ADRA1D: variants seen among roughly 807,000 people sequenced by gnomAD.
The protein encoded by ADRA1D is adrenoceptor alpha 1D.
ADRA1D carries 22 observed loss-of-function variants against 18.6 expected under a neutral mutation model. That is an observed-to-expected ratio of 1.19 (90% CI 0.85 to 1.69). The LOEUF is 1.69. Among genes scored for constraint, ADRA1D ranks in the 40% most tolerant of loss-of-function variants. The pLI, the probability that ADRA1D is intolerant of heterozygous loss-of-function variation, is 0.00. For synonymous variants in ADRA1D, 376 were observed against 388.2 expected (o/e 0.97, Z 0.37); for missense variants, 840 against 840.7 (o/e 1.00, Z 0.01).
Position 4,246,981 on chromosome 20 carries a change from G to A in ADRA1D, c.1111+866C>T, listed in dbSNP as rs571058168. Among the ~76,000 whole-genome samples, 10 of 151,268 alleles carry A rather than the reference G, an allele frequency of 6.6e-5. No homozygotes were observed. The South Asian group carries it at 1.9e-3, about 28-fold the overall frequency. ...CCTGCGGAGGTTGCAGCCATGGGTG[G>A]ATCTGACCCCGGGCAAATTCATCCC... On this transcript the variant is annotated intron_variant, in intron 1 of 1. Transcript: ENST00000379453.
chr20:4,228,965 T>C (rs531136186), intron 1 of ADRA1D, among the ~76,000 whole-genome samples: 8 of 152,208 alleles, frequency 5.3e-5, no homozygotes, highest in African/African-American at 1.7e-4. Flanking sequence ...CCCCACATGT[T>C]CCACCCCTCC....
At chr20:4,230,574 C>T (rs568874164) in intron 1 of ADRA1D, among the ~76,000 whole-genome samples, 2 of 152,338 alleles carry the variant, frequency 1.3e-5, no homozygotes, top group African/African-American at 4.8e-5. Context: ...CAACCCATAT[C>T]CTCTCCACTC....
intron 1 of ADRA1D, among the ~76,000 whole-genome samples, chr20:4,228,859 C>T (rs914503510): frequency 5.9e-5 from 9 of 152,218 alleles, no homozygotes; most frequent in African/African-American, 2.2e-4. Context: ...TGCCCCTTTG[C>T]TGGCTCCCTG....
intron 1 of ADRA1D, among the ~76,000 whole-genome samples, chr20:4,236,376 T>G: frequency 6.6e-6 from 1 of 150,814 alleles, no homozygotes; most frequent in African/African-American, 2.4e-5. Context: ...GGTGGGAGAG[T>G]GGGAATGGGA....
At position 4,221,502 on chromosome 20, in the gene ADRA1D, C is replaced by G; in HGVS notation, c.*21G>C. Reference sequence around the variant, plus strand: ...CCTTACCCCCAAGCCCAGCACACTCCGCGGCCTAGCTCTGGGGTCCTTAAA... The same window carrying G: ...CCTTACCCCCAAGCCCAGCACACTCGGCGGCCTAGCTCTGGGGTCCTTAAA... On this transcript the variant is annotated 3_prime_UTR_variant, in exon 2 of 2. Coordinates refer to ENST00000379453, the MANE Select transcript of ADRA1D (RefSeq NM_000678.4). The G allele has an allele frequency of 6.3e-7, 1 of 1,588,986 alleles. No individual in the cohort carries two copies. The highest frequency in any genetic ancestry group is 8.6e-7 in the Non-Finnish European group (1 of 1,162,514).
intron 1 of ADRA1D, among the ~76,000 whole-genome samples, chr20:4,246,104 C>A (rs1234114037): frequency 6.6e-6 from 1 of 152,134 alleles, no homozygotes; most frequent in Non-Finnish European, 1.5e-5. Context: ...GGGAGGGAGG[C>A]AGAGCTGGGA....
chr20:4,236,299 G>A (rs1981090909), intron 1 of ADRA1D, among the ~76,000 whole-genome samples: 1 of 152,178 alleles, frequency 6.6e-6, no homozygotes, highest in African/African-American at 2.4e-5. Flanking sequence ...ACTGTTAGGG[G>A]GATAAAATGA....
At chr20:4,237,961 G>GGGTC (rs1190512017) in intron 1 of ADRA1D, among the ~76,000 whole-genome samples, 3 of 150,592 alleles carry the variant, frequency 2.0e-5, no homozygotes, top group Non-Finnish European at 3.0e-5. Flanking sequence ...AGAGTTAAGA[G>GGGTC]GGTCGGCTGG....
In ADRA1D at chr20:4,248,462, G is replaced by C. The variant is rs753011248; in HGVS notation, c.496C>G (p.Arg166Gly). ...MEVLGFWAFG[R>G]AFCDVWAAVD... ...GCGGCCCATACGTCGCAGAAGGCGC[G>C]GCCAAAGGCCCAGAAGCCCAGAACC... Residue 166 changes from arginine (R) to glycine (G), a missense_variant, in exon 1 of 2, where the codon CGC (arginine) becomes GGC (glycine). Coordinates refer to ENST00000379453, the MANE Select transcript of ADRA1D (RefSeq NM_000678.4). The C allele has an allele frequency of 6.2e-7, 1 of 1,612,814 alleles. No individual in the cohort carries two copies. Among genetic ancestry groups the C allele is most frequent in the East Asian group, 2.2e-5 (1 of 44,822 alleles).
At chr20:4,227,065 TGA>T (rs1251903677) in intron 1 of ADRA1D, among the ~76,000 whole-genome samples, 1 of 152,210 alleles carries the variant, frequency 6.6e-6, no homozygotes, top group Non-Finnish European at 1.5e-5. Context: ...TGGCATACCA[TGA>T]GTGTGAAATG....
intron 1 of ADRA1D, among the ~76,000 whole-genome samples, chr20:4,223,245 A>C (rs1370002764): frequency 6.6e-6 from 1 of 152,268 alleles, no homozygotes; most frequent in Non-Finnish European, 1.5e-5. Context: ...ACCTTAATGC[A>C]GAAGCATATT....
chr20:4,225,103 G>A (rs900972761), intron 1 of ADRA1D, among the ~76,000 whole-genome samples: 16 of 149,236 alleles, frequency 1.1e-4, no homozygotes, highest in Non-Finnish European at 2.4e-4. Flanking sequence ...CTGGGTTCAA[G>A]CAATTCTCCT....
At chr20:4,229,003 T>C (rs1980889803) in intron 1 of ADRA1D, among the ~76,000 whole-genome samples, 1 of 152,188 alleles carries the variant, frequency 6.6e-6, no homozygotes, top group Non-Finnish European at 1.5e-5. Context: ...GACACTGCCC[T>C]CATCCTCCTG....
At position 4,221,488 on chromosome 20, in the gene ADRA1D, A is replaced by G; in HGVS notation, c.*35T>C. The G allele has an allele frequency of 1.9e-6, 3 of 1,571,742 alleles. No homozygotes were observed. Among genetic ancestry groups the G allele is most frequent in the Non-Finnish European group, 2.6e-6 (3 of 1,154,706 alleles). On this transcript the variant is annotated 3_prime_UTR_variant, in exon 2 of 2. Coordinates refer to ENST00000379453, the MANE Select transcript of ADRA1D (RefSeq NM_000678.4). Reference sequence around the variant, plus strand: ...GCCTCTCTGGTCCCCCTTACCCCCAAGCCCAGCACACTCCGCGGCCTAGCT... The same window carrying G: ...GCCTCTCTGGTCCCCCTTACCCCCAGGCCCAGCACACTCCGCGGCCTAGCT...
At chr20:4,235,339 C>T (rs1391094134) in intron 1 of ADRA1D, among the ~76,000 whole-genome samples, 2 of 152,232 alleles carry the variant, frequency 1.3e-5, no homozygotes, top group African/African-American at 2.4e-5. Context: ...ATAGGCCTGT[C>T]CCGCATCCTC....
rs375965246 is a variant in ADRA1D, at chr20:4,221,719, G to C, written c.1523C>G (p.Thr508Ser). Residue 508 changes from threonine to serine, a missense_variant, in exon 2 of 2, where the codon ACC becomes AGC. Coordinates refer to ENST00000379453, the MANE Select transcript of ADRA1D (RefSeq NM_000678.4). ...RLLGPFRRPTTQLRAKVSSLS... is the reference protein window; with the variant it reads ...RLLGPFRRPTSQLRAKVSSLS... ...GCTGGAGACTTTGGCGCGCAGCTGG[G>C]TCGTGGGTCTCCGGAACGGCCCCAG... is the stretch of plus-strand genomic sequence containing the variant. 17 of 1,608,694 alleles carry C rather than the reference G, an allele frequency of 1.1e-5. No individual in the cohort carries two copies. In the African/African-American group the frequency reaches 2.3e-4, roughly 21 times the overall value.
In ADRA1D at chr20:4,248,541, G is replaced by C. The variant is rs768213799; in HGVS notation, c.417C>G (p.Ala139=). The C allele has an allele frequency of 4.3e-6, 7 of 1,613,894 alleles. No homozygotes were observed. The highest frequency in any genetic ancestry group is 1.6e-4 in the Middle Eastern group (1 of 6,062). Residue 139 remains alanine, a synonymous_variant, in exon 1 of 2, where the codon GCC becomes GCG. Coordinates refer to ENST00000379453, the MANE Select transcript of ADRA1D (RefSeq NM_000678.4). ...TVTNYFIVNL[A]VADLLLSATV... ...TGGCGCTCAGCAGCAGGTCGGCCAC[G>C]GCCAGGTTCACGATGAAATAGTTGG...
At chr20:4,226,639 G>C (rs1467816687) in intron 1 of ADRA1D, among the ~76,000 whole-genome samples, 1 of 152,292 alleles carries the variant, frequency 6.6e-6, no homozygotes, top group East Asian at 1.9e-4. Context: ...TGCCACATGA[G>C]TGTGCAGAGA....
intron 1 of ADRA1D, among the ~76,000 whole-genome samples, chr20:4,234,214 G>T (rs531215812): frequency 6.6e-6 from 1 of 152,358 alleles, no homozygotes; most frequent in South Asian, 2.1e-4. Flanking sequence ...TGCAGGAGCT[G>T]CTGGGACGCT....
Sources: gnomAD v4.1 joint callset for allele counts (sites outside exome capture counted in the v4.1 genomes callset) on GRCh38, gnomAD v4.1.1 for gene constraint, MANE v1.5 for transcripts, NCBI Gene and HGNC (gene_info 2026-07-23, HGNC 2026-07-21) for gene names.